Variants in TRIM33 observed in about 807,000 individuals in gnomAD.
TRIM33 encodes the protein tripartite motif containing 33.
TRIM33 carries 20 observed loss-of-function variants against 125.4 expected under a neutral mutation model. That is an observed-to-expected ratio of 0.16 (90% CI 0.11 to 0.23). The LOEUF is 0.23. Ranked by LOEUF, TRIM33 falls within the 10% of genes least tolerant of loss-of-function variation. The pLI is 1.00. For synonymous variants in TRIM33, 564 were observed against 513.9 expected, an observed-to-expected ratio of 1.10 and a Z score of -1.32; for missense variants, 920 against 1,411.4, an observed-to-expected ratio of 0.65 and a Z score of 5.58.
chr1:114,476,952 G>A (rs1031266855), intron 1 of TRIM33, among the ~76,000 whole-genome samples: 6 of 152,070 alleles, frequency 3.9e-5, no homozygotes, highest in Non-Finnish European at 5.9e-5. Flanking sequence ...GTGAAAATCC[G>A]AATTCATTTT....
At chr1:114,445,944 G>A (rs1451184178) in intron 4 of TRIM33, among the ~76,000 whole-genome samples, 2 of 152,012 alleles carry the variant, frequency 1.3e-5, no homozygotes, top group African/African-American at 4.8e-5. Context: ...TGCAACCTCC[G>A]CCTCCTGGGT....
Position 114,510,598 on chromosome 1 carries a change from T to C in TRIM33, c.479A>G (p.Gln160Arg). 1.3e-6 allele frequency: 2 copies of C among 1,549,566 alleles called. No individual in the cohort carries two copies. Among genetic ancestry groups the C allele is most frequent in the Non-Finnish European group, 1.7e-6 (2 of 1,152,922 alleles). Residue 160 changes from glutamine (Q) to arginine (R), a missense_variant, in exon 1 of 20, where the codon CAG becomes CGG. Gln to Arg is a conservative substitution (Grantham distance 43). Around this residue, in one of 8 missense-constraint regions of TRIM33, gnomAD observed 75 missense variants for 123.9 expected, o/e 0.61. Transcript: ENST00000358465. The part of the protein sequence containing the change: ...CLRCLPEPER[Q>R]LSVPIPGGSN... ...GCCCCCCGGGATGGGCACGCTGAGC[T>C]GGCGCTCCGGCTCGGGCAGGCAGCG... is the stretch of plus-strand genomic sequence containing the variant.
In TRIM33 at chr1:114,494,038, T is replaced by G. The variant is rs910562355; in HGVS notation, c.526+16513A>C. On this transcript the variant is annotated intron_variant, in intron 1 of 19. Coordinates refer to ENST00000358465, the MANE Select transcript of TRIM33 (RefSeq NM_015906.4). ...TGGGGTTTCACCAGGTTGGCCAGGATGGTCTCGATCTCCTGACCTCGTGAT... is the reference window on the plus strand; with the variant it reads ...TGGGGTTTCACCAGGTTGGCCAGGAGGGTCTCGATCTCCTGACCTCGTGAT... Among the ~76,000 whole-genome samples, 2 of 152,142 alleles carry G rather than the reference T, an allele frequency of 1.3e-5. 1 individual carries two copies. The highest frequency in any genetic ancestry group is 4.1e-4 in the South Asian group (2 of 4,828).
intron 4 of TRIM33, among the ~76,000 whole-genome samples, chr1:114,441,716 C>T (rs764959240): frequency 1.3e-5 from 2 of 151,752 alleles, no homozygotes; most frequent in Admixed American, 6.6e-5. Context: ...CTTCTCAACC[C>T]ATCTGCCCTC....
chr1:114,498,356 G>C lies in TRIM33; in HGVS notation c.526+12195C>G, dbSNP rs559554386. Reference sequence around the variant, plus strand: ...CCTAAGCAAGGAAGCTCTTAGAAATGTACCATGTAGGCCAGGTGCGGTGGC... The same window carrying C: ...CCTAAGCAAGGAAGCTCTTAGAAATCTACCATGTAGGCCAGGTGCGGTGGC... On this transcript the variant is annotated intron_variant, in intron 1 of 19. Transcript: ENST00000358465. 3.3e-5 allele frequency among the ~76,000 whole-genome samples: 5 copies of C among 152,158 alleles called. No individual in the cohort carries two copies. In the South Asian group the frequency reaches 1.0e-3, roughly 32 times the overall value.
intron 1 of TRIM33, among the ~76,000 whole-genome samples, chr1:114,491,138 A>G (rs1486936507): frequency 6.6e-6 from 1 of 152,224 alleles, no homozygotes; most frequent in Admixed American, 6.5e-5. Flanking sequence ...TGAACCATAC[A>G]CTTCAAATGT....
chr1:114,448,416 T>C (rs1649122684), intron 4 of TRIM33, among the ~76,000 whole-genome samples: 1 of 152,184 alleles, frequency 6.6e-6, no homozygotes, highest in African/African-American at 2.4e-5. Flanking sequence ...AAGGTATGAA[T>C]ATACAATATG....
chr1:114,462,068 G>A (rs1313351713), intron 4 of TRIM33, among the ~76,000 whole-genome samples: 10 of 152,206 alleles, frequency 6.6e-5, no homozygotes, highest in Non-Finnish European at 1.5e-4. Flanking sequence ...TCAAATCCTG[G>A]TACTACCAAT....
At chr1:114,506,126 A>C (rs1242105453) in intron 1 of TRIM33, among the ~76,000 whole-genome samples, 1 of 152,076 alleles carries the variant, frequency 6.6e-6, no homozygotes, top group Non-Finnish European at 1.5e-5. Flanking sequence ...TCACGCCTAT[A>C]ATCCCAGCAC....
chr1:114,449,259 G>A (rs1649174649), intron 4 of TRIM33, among the ~76,000 whole-genome samples: 1 of 152,152 alleles, frequency 6.6e-6, no homozygotes, highest in Non-Finnish European at 1.5e-5. Context: ...ACAGTTGCAA[G>A]AGAAGCAGTG....
At chr1:114,447,026 G>A (rs1649021706) in intron 4 of TRIM33, among the ~76,000 whole-genome samples, 1 of 152,186 alleles carries the variant, frequency 6.6e-6, no homozygotes, top group Non-Finnish European at 1.5e-5. Context: ...AGAGATGGAG[G>A]GATAGGCAGA....
intron 4 of TRIM33, among the ~76,000 whole-genome samples, chr1:114,452,780 T>C (rs1369969657): frequency 2.7e-5 from 4 of 147,030 alleles, no homozygotes; most frequent in Non-Finnish European, 1.5e-5. Context: ...TATACACCTG[T>C]AGTCATAACA....
intron 11 of TRIM33, among the ~76,000 whole-genome samples, chr1:114,415,230 A>G (rs562995911): frequency 6.6e-6 from 1 of 151,976 alleles, no homozygotes; most frequent in Non-Finnish European, 1.5e-5. Flanking sequence ...TCCTGGCCTC[A>G]AGTGCTCTTC....
intron 17 of TRIM33, among the ~76,000 whole-genome samples, 186 bp from the exon 18 acceptor site, chr1:114,399,795 A>G (rs940681051): frequency 1.3e-5 from 2 of 152,170 alleles, no homozygotes; most frequent in African/African-American, 4.8e-5. Context: ...CATATGTGCC[A>G]ATCTTCATGG....
intron 8 of TRIM33, 92 bp from the exon 9 acceptor site, chr1:114,425,815 A>C: frequency 2.3e-6 from 2 of 877,830 alleles, no homozygotes; most frequent in Non-Finnish European, 3.5e-6. Flanking sequence ...TCCTCTGACA[A>C]CTATCAGCAC....
intron 11 of TRIM33, among the ~76,000 whole-genome samples, chr1:114,414,580 C>G (rs1652810671): frequency 6.6e-6 from 1 of 152,194 alleles, no homozygotes; most frequent in Non-Finnish European, 1.5e-5. Context: ...TAACAATCCA[C>G]TAAGTTTTAT....
At chr1:114,503,072 G>T (rs1184969258) in intron 1 of TRIM33, among the ~76,000 whole-genome samples, 1 of 152,136 alleles carries the variant, frequency 6.6e-6, no homozygotes, top group Non-Finnish European at 1.5e-5. Flanking sequence ...TCATTGTGTG[G>T]ATATTTTTCT....
intron 1 of TRIM33, among the ~76,000 whole-genome samples, chr1:114,466,361 A>C (rs893848270): frequency 4.6e-5 from 7 of 152,202 alleles, no homozygotes; most frequent in Non-Finnish European, 7.3e-5. Flanking sequence ...GTGTGCAAGA[A>C]AGGGTTTATT....
At chr1:114,506,761 T>A (rs1653030034) in intron 1 of TRIM33, among the ~76,000 whole-genome samples, 1 of 152,186 alleles carries the variant, frequency 6.6e-6, no homozygotes, top group African/African-American at 2.4e-5. Flanking sequence ...ACTATTGAGA[T>A]TCAATATTAA....
Sources: allele counts gnomAD v4.1 joint callset (sites outside exome capture counted in the v4.1 genomes callset), GRCh38; gene constraint gnomAD v4.1.1; regional missense constraint gnomAD v4.1.1; transcripts MANE v1.5; gene names NCBI Gene and HGNC (gene_info 2026-07-23, HGNC 2026-07-21).